Variants in PTPRD observed in about 807,000 individuals in gnomAD.
The protein encoded by PTPRD is receptor-type tyrosine-protein phosphatase delta.
PTPRD carries 34 observed loss-of-function variants against 214.5 expected under a neutral mutation model. That is an observed-to-expected ratio of 0.16 (90% CI 0.12 to 0.21). The LOEUF is 0.21. Ranked by LOEUF, PTPRD falls within the 10% of genes least tolerant of loss-of-function variation. The pLI is 1.00. For missense variants in PTPRD, 2,545 were observed against 2,398.7 expected (o/e 1.06, Z -1.27); for synonymous variants, 1,128 against 845.7 (o/e 1.33, Z -5.79).
At chr9:9,772,746 G>T (rs78775742) in intron 5 of PTPRD, among the ~76,000 whole-genome samples, 1 of 144,682 alleles carries the variant, frequency 6.9e-6, no homozygotes, top group East Asian at 3.6e-4. Flanking sequence ...GTAATGAGCA[G>T]GTGTGATAAA....
chr9:9,098,589 A>G (rs2099786997), intron 10 of PTPRD, among the ~76,000 whole-genome samples: 1 of 152,136 alleles, frequency 6.6e-6, no homozygotes, highest in Admixed American at 6.5e-5. Context: ...TATTATTATT[A>G]CAATTTGAGT....
intron 39 of PTPRD, among the ~76,000 whole-genome samples, chr9:8,373,961 C>T (rs982467961): frequency 4.0e-5 from 6 of 150,590 alleles, no homozygotes; most frequent in South Asian, 4.2e-4. Flanking sequence ...CTTTAATTTA[C>T]GGAAATGGGA....
At chr9:10,158,952 C>T (rs996806598) in intron 3 of PTPRD, among the ~76,000 whole-genome samples, 2 of 152,146 alleles carry the variant, frequency 1.3e-5, no homozygotes, top group Non-Finnish European at 2.9e-5. Context: ...ATAACTCTTT[C>T]AAAGGAGACC....
chr9:8,644,103 A>G (rs1398857717), intron 12 of PTPRD, among the ~76,000 whole-genome samples: 17 of 152,302 alleles, frequency 1.1e-4, no homozygotes, highest in East Asian at 1.9e-4. Flanking sequence ...CCAGCTGCAA[A>G]AAGGCACGAC....
intron 9 of PTPRD, among the ~76,000 whole-genome samples, chr9:9,294,255 T>C (rs1019434550): frequency 6.6e-6 from 1 of 151,684 alleles, no homozygotes; most frequent in Non-Finnish European, 1.5e-5. Context: ...TTACCAGAGA[T>C]AACTAAAACC....
intron 11 of PTPRD, among the ~76,000 whole-genome samples, chr9:8,902,050 A>G (rs931262863): frequency 6.6e-6 from 1 of 152,206 alleles, no homozygotes; most frequent in Admixed American, 6.5e-5. Context: ...ACATACACAC[A>G]CAGATATCCC....
At chr9:8,621,555 C>A (rs2095825935) in intron 14 of PTPRD, among the ~76,000 whole-genome samples, 1 of 151,814 alleles carries the variant, frequency 6.6e-6, no homozygotes, top group African/African-American at 2.4e-5. Flanking sequence ...TATGGCAAAT[C>A]CTTGAGAATA....
intron 3 of PTPRD, among the ~76,000 whole-genome samples, chr9:10,113,500 T>C (rs896063060): frequency 5.3e-5 from 8 of 152,188 alleles, no homozygotes; most frequent in Middle Eastern, 3.2e-3. Context: ...AGAGACTTTG[T>C]ATTAGAGATA....
At chr9:8,465,705 G>T (rs2096531863) in intron 31 of PTPRD, 30 bp from the exon 32 acceptor site, 1 of 1,566,892 alleles carries the variant, frequency 6.4e-7, no homozygotes, top group Non-Finnish European at 8.7e-7. Context: ...AACAGAAAAA[G>T]AACTGTAAAT....
At chr9:8,477,348 AGATTT>A (rs991681165) in intron 30 of PTPRD, among the ~76,000 whole-genome samples, 7 of 152,188 alleles carry the variant, frequency 4.6e-5, no homozygotes, top group Admixed American at 1.3e-4. Context: ...CCAGTATATT[AGATTT>A]AATTAGATAA....
At chr9:9,630,555 AT>A (rs1410444098) in intron 7 of PTPRD, among the ~76,000 whole-genome samples, 2 of 152,226 alleles carry the variant, frequency 1.3e-5, no homozygotes, top group East Asian at 3.8e-4. Flanking sequence ...TGAATAAGAA[AT>A]GTTTATTAAC....
intron 3 of PTPRD, among the ~76,000 whole-genome samples, chr9:10,180,500 T>C (rs891378119): frequency 1.3e-5 from 2 of 151,032 alleles, no homozygotes; most frequent in African/African-American, 2.4e-5. Flanking sequence ...CTAACAAACT[T>C]CTCAAGAGAG....
intron 11 of PTPRD, among the ~76,000 whole-genome samples, chr9:8,855,767 A>G (rs2097904520): frequency 6.6e-6 from 1 of 152,216 alleles, no homozygotes; most frequent in Non-Finnish European, 1.5e-5. Context: ...ACAATTAATA[A>G]CACCCATTAA....
intron 14 of PTPRD, among the ~76,000 whole-genome samples, chr9:8,548,258 A>T (rs1247676696): frequency 1.3e-5 from 2 of 152,186 alleles, no homozygotes; most frequent in African/African-American, 4.8e-5. Context: ...GTAGGAAGAC[A>T]GTGTGCAAGG....
chr9:10,269,808 T>A (rs1286858566), intron 3 of PTPRD, among the ~76,000 whole-genome samples: 1 of 151,838 alleles, frequency 6.6e-6, no homozygotes, highest in African/African-American at 2.4e-5. Flanking sequence ...AAAAGAAAAA[T>A]TATGTTCTGT....
intron 5 of PTPRD, among the ~76,000 whole-genome samples, chr9:9,906,592 G>A (rs187957865): frequency 2.1e-3 from 319 of 152,006 alleles, no homozygotes; most frequent in Non-Finnish European, 2.9e-3. Flanking sequence ...ATTTATTTAA[G>A]TCATACTACA....
intron 3 of PTPRD, among the ~76,000 whole-genome samples, chr9:10,295,300 G>A (rs2095642884): frequency 6.6e-6 from 1 of 152,092 alleles, no homozygotes; most frequent in African/African-American, 2.4e-5. Context: ...AAAAGAGCAA[G>A]AGCCATAACA....
chr9:9,752,766 A>T lies in PTPRD; in HGVS notation c.-326+14044T>A, dbSNP rs186196583. Among the ~76,000 whole-genome samples, 7 of 152,148 alleles carry T rather than the reference A, an allele frequency of 4.6e-5. No individual in the cohort carries two copies. In the East Asian group the frequency reaches 1.4e-3, roughly 29 times the overall value. ...TACAATTTTAGAAAAATCGTTTTAC[A>T]TTGTTTAGAAGATCCATTAAATATG... On this transcript the variant is annotated intron_variant, in intron 6 of 45. Coordinates refer to ENST00000381196, the MANE Select transcript of PTPRD (RefSeq NM_002839.4).
chr9:10,414,740 A>G (rs2098470902), intron 2 of PTPRD, among the ~76,000 whole-genome samples: 1 of 152,020 alleles, frequency 6.6e-6, no homozygotes, highest in South Asian at 2.1e-4. Context: ...CACATACACC[A>G]TGGAATACTA....
Sources: gnomAD v4.1 joint callset for allele counts (sites outside exome capture counted in the v4.1 genomes callset) on GRCh38, gnomAD v4.1.1 for gene constraint, MANE v1.5 for transcripts, NCBI Gene and HGNC (gene_info 2026-07-23, HGNC 2026-07-21) for gene names.